KCNH7: variants seen among roughly 807,000 people sequenced by gnomAD.
KCNH7 encodes the protein voltage-gated inwardly rectifying potassium channel KCNH7.
A neutral mutation model predicts 120.8 loss-of-function variants in KCNH7; 49 were observed. The observed-to-expected ratio is 0.41, with a 90% CI of 0.32 to 0.51. The LOEUF (loss-of-function observed/expected upper bound fraction) is 0.51. Ranked by LOEUF, KCNH7 falls within the 20% of genes least tolerant of loss-of-function variation. The pLI is 0.38. For synonymous variants in KCNH7, 547 were observed against 516.1 expected (o/e 1.06, Z -0.81); for missense variants, 1,097 against 1,446.6 (o/e 0.76, Z 3.92).
chr2:162,511,482 A>C (rs1274164362), intron 5 of KCNH7, among the ~76,000 whole-genome samples: 1 of 2,472 alleles, frequency 4.0e-4, no homozygotes, highest in Non-Finnish European at 7.6e-3. Flanking sequence ...GGACAGGTCA[A>C]AAAAAAAAAA....
intron 2 of KCNH7, among the ~76,000 whole-genome samples, chr2:162,656,039 A>G (rs1433350786): frequency 2.6e-5 from 4 of 152,208 alleles, no homozygotes; most frequent in Non-Finnish European, 5.9e-5. Flanking sequence ...ACTTAAAATT[A>G]TTACTTTATG....
At chr2:162,439,157 G>T (rs1304092686) in intron 7 of KCNH7, among the ~76,000 whole-genome samples, 3 of 151,792 alleles carry the variant, frequency 2.0e-5, no homozygotes, top group Non-Finnish European at 4.4e-5. Context: ...TTTGATTTTT[G>T]AAAATATAAT....
chr2:162,445,802 A>G (rs754832671), intron 7 of KCNH7, among the ~76,000 whole-genome samples: 9 of 152,178 alleles, frequency 5.9e-5, no homozygotes, highest in Non-Finnish European at 1.2e-4. Flanking sequence ...GTGGGTAAAG[A>G]ATGGAGAATC....
chr2:162,654,368 T>C (rs577041276), intron 2 of KCNH7, among the ~76,000 whole-genome samples: 35 of 151,224 alleles, frequency 2.3e-4, no homozygotes, highest in South Asian at 1.5e-3. Context: ...AAAAAAAACA[T>C]AGAAATGGCC....
At chr2:162,835,588 C>T (rs1174752205) in intron 2 of KCNH7, among the ~76,000 whole-genome samples, 1 of 151,564 alleles carries the variant, frequency 6.6e-6, no homozygotes, top group African/African-American at 2.4e-5. Context: ...TACCTTTAAG[C>T]CCTAGACAAA....
At position 162,725,287 on chromosome 2, in the gene KCNH7, A is replaced by T. The variant is rs564814632; in HGVS notation, c.307+111250T>A. On this transcript the variant is annotated intron_variant, in intron 2 of 15. Transcript: ENST00000332142. ...CAGTATAAATAGTATCACATTGATA[A>T]AAAAGTCTTCCTTAATTTTTTTTTG... Among the ~76,000 whole-genome samples the T allele has an allele frequency of 1.7e-4, 25 of 148,574 alleles. No homozygotes were observed. The East Asian group carries it at 4.8e-3, about 29-fold the overall frequency.
At chr2:162,715,238 G>T (rs1687071002) in intron 2 of KCNH7, among the ~76,000 whole-genome samples, 1 of 152,204 alleles carries the variant, frequency 6.6e-6, no homozygotes, top group African/African-American at 2.4e-5. Context: ...ATGGCAGAAA[G>T]TGAAGTGGGA....
At chr2:162,639,611 A>C (rs1020299104) in intron 2 of KCNH7, among the ~76,000 whole-genome samples, 5 of 152,130 alleles carry the variant, frequency 3.3e-5, no homozygotes, top group Non-Finnish European at 7.4e-5. Context: ...ATAATGACAA[A>C]ATTACAATAT....
chr2:162,637,720 T>C (rs1002773421), intron 2 of KCNH7, among the ~76,000 whole-genome samples: 1 of 151,986 alleles, frequency 6.6e-6, no homozygotes, highest in African/African-American at 2.4e-5. Flanking sequence ...ACAATTTTGA[T>C]TAAAAAAACA....
intron 2 of KCNH7, among the ~76,000 whole-genome samples, chr2:162,760,959 C>T (rs1250308617): frequency 1.3e-5 from 2 of 152,004 alleles, no homozygotes; most frequent in Non-Finnish European, 2.9e-5. Flanking sequence ...ATTACAATTG[C>T]TCTATCATTC....
intron 3 of KCNH7, among the ~76,000 whole-genome samples, chr2:162,530,475 C>A (rs1220672774): frequency 6.7e-6 from 1 of 148,878 alleles, no homozygotes; most frequent in African/African-American, 2.5e-5. Context: ...CGTGCGCGCA[C>A]ACACACACAC....
intron 3 of KCNH7, among the ~76,000 whole-genome samples, chr2:162,524,476 G>A (rs1375573995): frequency 6.6e-6 from 1 of 152,026 alleles, no homozygotes; most frequent in African/African-American, 2.4e-5. Context: ...GGGCCACAGT[G>A]TCCAGTACAG....
intron 2 of KCNH7, among the ~76,000 whole-genome samples, chr2:162,725,722 A>T (rs1302659800): frequency 6.6e-6 from 1 of 152,220 alleles, no homozygotes; most frequent in Non-Finnish European, 1.5e-5. Flanking sequence ...CCAGAGGGAC[A>T]TTATGAAACT....
At chr2:162,693,771 A>C (rs1031061181) in intron 2 of KCNH7, among the ~76,000 whole-genome samples, 1 of 152,214 alleles carries the variant, frequency 6.6e-6, no homozygotes, top group Non-Finnish European at 1.5e-5. Flanking sequence ...GAATGAGGAT[A>C]ATTTCCAAAT....
chr2:162,519,965 T>C (rs1264418276), intron 3 of KCNH7, among the ~76,000 whole-genome samples: 1 of 151,714 alleles, frequency 6.6e-6, no homozygotes, highest in African/African-American at 2.4e-5. Context: ...GGATGGTTTT[T>C]TTCTACATGC....
intron 2 of KCNH7, among the ~76,000 whole-genome samples, chr2:162,729,715 G>A (rs1395466226): frequency 6.6e-6 from 1 of 152,064 alleles, no homozygotes; most frequent in African/African-American, 2.4e-5. Flanking sequence ...CATTTTGGGG[G>A]GAAGTATTCA....
chr2:162,828,479 C>A (rs1685365301), intron 2 of KCNH7, among the ~76,000 whole-genome samples: 1 of 151,914 alleles, frequency 6.6e-6, no homozygotes, highest in Admixed American at 6.6e-5. Flanking sequence ...TGAACTCATG[C>A]AGTTATTACA....
At chr2:162,471,032 A>G (rs1214978898) in intron 6 of KCNH7, among the ~76,000 whole-genome samples, 4 of 152,146 alleles carry the variant, frequency 2.6e-5, no homozygotes, top group Non-Finnish European at 5.9e-5. Flanking sequence ...TTTGTTAAAC[A>G]GATGCTTGAA....
In KCNH7 at chr2:162,426,962, T is replaced by A. The variant is rs548968196; in HGVS notation, c.1955-3427A>T. Among the ~76,000 whole-genome samples, 178 of 152,254 alleles carry A rather than the reference T, an allele frequency of 1.2e-3. 1 individual carries two copies. Among genetic ancestry groups the A allele is most frequent in the African/African-American group, 4.1e-3 (169 of 41,560 alleles). On this transcript the variant is annotated intron_variant, in intron 8 of 15. Coordinates refer to ENST00000332142, the MANE Select transcript of KCNH7 (RefSeq NM_033272.4). The stretch of plus-strand genomic sequence containing the variant: ...CTAGGATTTTATATAAGTGGAATTA[T>A]AATGTACATATTCATTATGTACATT...
Sources: gnomAD v4.1 joint callset for allele counts (sites outside exome capture counted in the v4.1 genomes callset) on GRCh38, gnomAD v4.1.1 for gene constraint, MANE v1.5 for transcripts, NCBI Gene and HGNC (gene_info 2026-07-23, HGNC 2026-07-21) for gene names.